CERS6: variants seen among roughly 807,000 people sequenced by gnomAD.
CERS6 encodes LAG1 homolog, ceramide synthase 6.
A neutral mutation model predicts 56.8 loss-of-function variants in CERS6; 26 were observed. The ratio of observed to expected loss-of-function variants is 0.46; its 90% CI spans 0.34 to 0.63. The LOEUF (loss-of-function observed/expected upper bound fraction) is 0.63, where lower values mean the gene tolerates loss of function less well. CERS6 is among the 30% of genes least tolerant of loss of function. The pLI is 0.01. For missense variants in CERS6, 415 were observed against 467.5 expected, an observed-to-expected ratio of 0.89 and a Z score of 1.04; for synonymous variants, 164 against 173.3, an observed-to-expected ratio of 0.95 and a Z score of 0.42.
rs1384375783 is a variant in CERS6 at position 168,715,133 on chromosome 2, A to G, written c.738+4A>G. On this transcript the variant is annotated splice_donor_region_variant and intron_variant, in intron 7 of 9. Transcript: ENST00000305747. ...TTCAGCTGATGCTCTTCTGGAGGTA[A>G]AAGTTTTCTTTCATCTTTAAGAATA... 1 of 1,603,112 alleles carries G rather than the reference A, an allele frequency of 6.2e-7. No individual in the cohort carries two copies. The highest frequency in any genetic ancestry group is 8.5e-7 in the Non-Finnish European group (1 of 1,176,634).
At chr2:168,485,801 A>C (rs1694265260) in intron 1 of CERS6, among the ~76,000 whole-genome samples, 1 of 152,240 alleles carries the variant, frequency 6.6e-6, no homozygotes, top group African/African-American at 2.4e-5. Context: ...AGCTGCTATA[A>C]ATGTTTGTGT....
intron 1 of CERS6, among the ~76,000 whole-genome samples, chr2:168,487,290 G>A (rs1446173180): frequency 1.3e-5 from 2 of 151,796 alleles, no homozygotes; most frequent in Admixed American, 6.6e-5. Flanking sequence ...CTGATCCATG[G>A]GTCTTAGACA....
At chr2:168,688,828 G>A (rs149553971) in intron 4 of CERS6, among the ~76,000 whole-genome samples, 78 of 152,232 alleles carry the variant, frequency 5.1e-4, no homozygotes, top group African/African-American at 1.9e-3. Context: ...ACACTTACAC[G>A]CTGTTTCTGC....
At chr2:168,563,386 G>T (rs1297512044) in intron 3 of CERS6, among the ~76,000 whole-genome samples, 1 of 152,152 alleles carries the variant, frequency 6.6e-6, no homozygotes, top group Non-Finnish European at 1.5e-5. Flanking sequence ...GCACAATGAT[G>T]GGGAAGAGAT....
intron 8 of CERS6, among the ~76,000 whole-genome samples, chr2:168,746,688 G>A (rs947668628): frequency 9.4e-5 from 14 of 149,160 alleles, no homozygotes; most frequent in African/African-American, 3.5e-4. Flanking sequence ...AAGATGTTCA[G>A]CCCTGGCACT....
At position 168,764,403 on chromosome 2, in the gene CERS6, A is replaced by T. The variant is rs367885873; in HGVS notation, c.846-1189A>T. ...GTGATCCGCCCACCTCGGCCTCCCAAAGTGCTGGGATTACAGGCATGAGCC... is the reference window on the plus strand; with the variant it reads ...GTGATCCGCCCACCTCGGCCTCCCATAGTGCTGGGATTACAGGCATGAGCC... On this transcript the variant is annotated intron_variant, in intron 8 of 9. Coordinates refer to ENST00000305747, the MANE Select transcript of CERS6 (RefSeq NM_203463.3). Among the ~76,000 whole-genome samples the T allele has an allele frequency of 2.6e-5, 4 of 152,220 alleles. 1 individual carries two copies. Among genetic ancestry groups the T allele is most frequent in the East Asian group, 1.9e-4 (1 of 5,186 alleles).
intron 6 of CERS6, among the ~76,000 whole-genome samples, chr2:168,706,351 A>G (rs1284971975): frequency 6.6e-6 from 1 of 152,220 alleles, no homozygotes; most frequent in South Asian, 2.1e-4. Context: ...TATTAACTAA[A>G]TAATTCACAG....
intron 2 of CERS6, among the ~76,000 whole-genome samples, chr2:168,554,703 A>G (rs959499348): frequency 3.3e-5 from 5 of 152,178 alleles, no homozygotes; most frequent in Admixed American, 3.3e-4. Flanking sequence ...CCATAGAAAA[A>G]CAATGCAGTC....
intron 1 of CERS6, among the ~76,000 whole-genome samples, chr2:168,516,498 G>A (rs116616243): frequency 0.016 from 2,451 of 152,116 alleles, 45 homozygotes; most frequent in African/African-American, 0.056. Flanking sequence ...ATATTTCTTT[G>A]CCATACGACT....
At chr2:168,673,934 T>C (rs537316578) in intron 4 of CERS6, among the ~76,000 whole-genome samples, 1 of 152,312 alleles carries the variant, frequency 6.6e-6, no homozygotes, top group South Asian at 2.1e-4. Flanking sequence ...ATGTCTTCCA[T>C]GGCCATATGC....
At chr2:168,657,400 G>A (rs976102489) in intron 4 of CERS6, among the ~76,000 whole-genome samples, 36 of 152,410 alleles carry the variant, frequency 2.4e-4, no homozygotes, top group South Asian at 2.3e-3. Context: ...CACCGGGGCT[G>A]CAGGTGGAGC....
chr2:168,473,505 T>C (rs949258381), intron 1 of CERS6, among the ~76,000 whole-genome samples: 1 of 152,188 alleles, frequency 6.6e-6, no homozygotes, highest in Admixed American at 6.5e-5. Flanking sequence ...AATGACACAA[T>C]ATATAATAAA....
intron 8 of CERS6, among the ~76,000 whole-genome samples, chr2:168,743,564 AAG>A (rs1454423074): frequency 1.3e-5 from 2 of 152,312 alleles, no homozygotes; most frequent in Middle Eastern, 3.4e-3. Context: ...AAAAATAAAA[AAG>A]AGTTGCTTTT....
intron 3 of CERS6, among the ~76,000 whole-genome samples, chr2:168,600,622 C>T (rs1182276621): frequency 2.0e-5 from 3 of 152,200 alleles, no homozygotes; most frequent in African/African-American, 7.2e-5. Context: ...CTTGGCATCT[C>T]ACTCACTCTG....
intron 1 of CERS6, among the ~76,000 whole-genome samples, chr2:168,458,041 A>T (rs935808198): frequency 2.6e-5 from 4 of 152,186 alleles, no homozygotes; most frequent in Non-Finnish European, 4.4e-5. Flanking sequence ...TGCTGTGAAA[A>T]AATGGGTGTG....
At chr2:168,550,167 GT>G (rs1260493398) in intron 2 of CERS6, among the ~76,000 whole-genome samples, 10 of 151,886 alleles carry the variant, frequency 6.6e-5, no homozygotes, top group Non-Finnish European at 1.3e-4. Flanking sequence ...TTGTCAAGGT[GT>G]TTTTTTGTTT....
At chr2:168,664,499 G>T (rs1369638718) in intron 4 of CERS6, among the ~76,000 whole-genome samples, 1 of 152,164 alleles carries the variant, frequency 6.6e-6, no homozygotes, top group East Asian at 1.9e-4. Context: ...GAATGTAAGG[G>T]AATAAAAGAA....
intron 8 of CERS6, among the ~76,000 whole-genome samples, chr2:168,751,425 C>G (rs1684264610): frequency 6.6e-6 from 1 of 152,194 alleles, no homozygotes; most frequent in Non-Finnish European, 1.5e-5. Context: ...GCTTTGTTCT[C>G]TCTTGAGGAA....
At chr2:168,637,636 C>T (rs1416552354) in intron 4 of CERS6, among the ~76,000 whole-genome samples, 4 of 152,052 alleles carry the variant, frequency 2.6e-5, no homozygotes, top group Non-Finnish European at 2.9e-5. Flanking sequence ...CAAAGCAGAA[C>T]TTAATGTCTC....
Sources: gnomAD v4.1 joint callset for allele counts (sites outside exome capture counted in the v4.1 genomes callset) on GRCh38, gnomAD v4.1.1 for gene constraint, MANE v1.5 for transcripts, NCBI Gene and HGNC (gene_info 2026-07-23, HGNC 2026-07-21) for gene names.